Variants in SUGCT observed in about 807,000 individuals in gnomAD.
SUGCT encodes the protein succinyl-CoA:glutarate-CoA transferase.
In SUGCT, 41 loss-of-function variants were observed where a neutral mutation model predicts 55.0. That is an observed-to-expected ratio of 0.74 (90% CI 0.58 to 0.97). The LOEUF is 0.97. Among genes scored for constraint, SUGCT ranks in the 50% least tolerant of loss-of-function variants. The pLI is 0.00. For missense variants in SUGCT, 568 were observed against 547.8 expected (o/e 1.04, Z -0.37); for synonymous variants, 187 against 200.4 (o/e 0.93, Z 0.56).
chr7:40,644,268 G>T (rs1393545208), intron 12 of SUGCT, among the ~76,000 whole-genome samples: 1 of 152,132 alleles, frequency 6.6e-6, no homozygotes, highest in East Asian at 1.9e-4. Context: ...TCCTGATCTT[G>T]ATCTGTCTTA....
intron 9 of SUGCT, among the ~76,000 whole-genome samples, chr7:40,365,358 AG>A (rs1157459803): frequency 6.6e-6 from 1 of 151,834 alleles, no homozygotes; most frequent in Non-Finnish European, 1.5e-5. Context: ...GGCACAAGAC[AG>A]GGATGCCCTC....
chr7:40,993,413 T>C, the SUGCT span, among the ~76,000 whole-genome samples: 1 of 152,130 alleles, frequency 6.6e-6, no homozygotes, highest in African/African-American at 2.4e-5. Flanking sequence ...GGCTTACAAA[T>C]GGACCTGAGC....
chr7:40,385,617 A>G (rs374426208), intron 9 of SUGCT, among the ~76,000 whole-genome samples: 4 of 152,330 alleles, frequency 2.6e-5, no homozygotes, highest in Non-Finnish European at 5.9e-5. Context: ...TGCAAAAAGG[A>G]CTATGTTTCT....
At chr7:40,666,126 T>G (rs1462351570) in intron 12 of SUGCT, among the ~76,000 whole-genome samples, 1 of 151,920 alleles carries the variant, frequency 6.6e-6, no homozygotes, top group Non-Finnish European at 1.5e-5. Context: ...TTTGGGAGGC[T>G]GAATCATGGG....
chr7:40,684,062 G>A, intron 12 of SUGCT: 3 of 1,612,292 alleles, frequency 1.9e-6, no homozygotes, highest in Non-Finnish European at 1.7e-6. Flanking sequence ...ATAGAACGCT[G>A]TCTCTGGCTT....
At chr7:40,510,850 A>AG (rs1256141674) in intron 12 of SUGCT, among the ~76,000 whole-genome samples, 2 of 152,196 alleles carry the variant, frequency 1.3e-5, no homozygotes, top group African/African-American at 4.8e-5. Context: ...GGTTACCCTT[A>AG]GGTAAACACC....
At chr7:40,808,242 A>C (rs374063875) in intron 13 of SUGCT, 2 of 152,386 alleles carry the variant, frequency 1.3e-5, no homozygotes, top group South Asian at 4.1e-4. Context: ...GATAACCTGA[A>C]GGACTCTGCC....
chr7:40,899,331 G>A, the SUGCT span, among the ~76,000 whole-genome samples: 6 of 152,008 alleles, frequency 3.9e-5, no homozygotes, highest in Admixed American at 2.0e-4. Context: ...TTACCCCTCC[G>A]CCTCCCATTT....
At chr7:40,226,724 A>C (rs1788386755) in intron 6 of SUGCT, among the ~76,000 whole-genome samples, 1 of 151,798 alleles carries the variant, frequency 6.6e-6, no homozygotes, top group Non-Finnish European at 1.5e-5. Context: ...TTTCATCTGT[A>C]AAGTAAGAAT....
chr7:40,345,859 T>A (rs2151187123), intron 9 of SUGCT, among the ~76,000 whole-genome samples: 1 of 152,268 alleles, frequency 6.6e-6, no homozygotes, highest in East Asian at 1.9e-4. Context: ...GTAGATTCAT[T>A]TTTTCCTATC....
the SUGCT span, among the ~76,000 whole-genome samples, chr7:40,877,135 G>A: frequency 6.6e-6 from 1 of 151,998 alleles, no homozygotes; most frequent in Non-Finnish European, 1.5e-5. Context: ...TCAACCTCTT[G>A]AAGCTTCCTT....
intron 9 of SUGCT, among the ~76,000 whole-genome samples, chr7:40,448,840 C>T (rs146776162): frequency 1.9e-3 from 290 of 151,996 alleles, no homozygotes; most frequent in Non-Finnish European, 3.5e-3. Flanking sequence ...CAGAGACAGA[C>T]CCTGTCACCA....
intron 9 of SUGCT, among the ~76,000 whole-genome samples, chr7:40,423,337 GA>G (rs1444991242): frequency 3.3e-5 from 5 of 152,100 alleles, no homozygotes; most frequent in Non-Finnish European, 7.4e-5. Context: ...TATTCACTAA[GA>G]AAGTACATGT....
intron 9 of SUGCT, among the ~76,000 whole-genome samples, chr7:40,321,723 C>A (rs1351892981): frequency 6.6e-6 from 1 of 152,134 alleles, no homozygotes; most frequent in East Asian, 1.9e-4. Context: ...AAGATCATGG[C>A]CTCCAATTCC....
At position 40,469,023 on chromosome 7, in the gene SUGCT, C is replaced by T. The variant is rs549038134; in HGVS notation, c.986+9825C>T. ...AGTGTCTTTTAAATCCGATGAATTC[C>T]ACCTTTCCCTCAACCTGGCAACCAT... On this transcript the variant is annotated intron_variant, in intron 11 of 13. Coordinates refer to ENST00000335693, the MANE Select transcript of SUGCT (RefSeq NM_001193313.2). Among the ~76,000 whole-genome samples the T allele has an allele frequency of 3.3e-4, 50 of 152,262 alleles. No individual in the cohort carries two copies. The South Asian group carries it at 8.5e-3, about 26-fold the overall frequency.
intron 12 of SUGCT, 79 bp from the exon 13 acceptor site, chr7:40,749,355 A>C (rs1450137726): frequency 6.4e-6 from 7 of 1,097,780 alleles, no homozygotes; most frequent in Middle Eastern, 2.0e-4. Context: ...TGTCGACTGA[A>C]TAGATGGCTG....
chr7:40,709,803 G>T (rs1178377216), intron 12 of SUGCT, among the ~76,000 whole-genome samples: 1 of 152,204 alleles, frequency 6.6e-6, no homozygotes, highest in African/African-American at 2.4e-5. Flanking sequence ...GAATCACTTG[G>T]AGGGTGACTT....
At chr7:40,362,460 A>G (rs1318102395) in intron 9 of SUGCT, among the ~76,000 whole-genome samples, 1 of 152,094 alleles carries the variant, frequency 6.6e-6, no homozygotes, top group Non-Finnish European at 1.5e-5. Context: ...CAGCCAACCA[A>G]CCAATCAATG....
chr7:41,011,603 C>T, the SUGCT span, among the ~76,000 whole-genome samples: 136 of 152,244 alleles, frequency 8.9e-4, no homozygotes, highest in African/African-American at 2.8e-3. Flanking sequence ...TCATAAGTAA[C>T]TAAAGTTTGA....
Sources: gnomAD v4.1 joint callset for allele counts (sites outside exome capture counted in the v4.1 genomes callset) on GRCh38, gnomAD v4.1.1 for gene constraint, MANE v1.5 for transcripts, NCBI Gene and HGNC (gene_info 2026-07-23, HGNC 2026-07-21) for gene names.